Variants in RAD51B observed in about 807,000 individuals in gnomAD.
The protein encoded by RAD51B is RAD51 paralog B.
Under a neutral mutation model 42.2 loss-of-function variants are expected in RAD51B, and 38 were observed. The ratio of observed to expected loss-of-function variants is 0.90; its 90% CI spans 0.70 to 1.18. The LOEUF is 1.18. RAD51B is among the 50% of genes most tolerant of loss of function. The probability of loss-of-function intolerance (pLI) is 0.00; values close to 1 mark genes in which losing one functional copy is unlikely to be tolerated. For missense variants in RAD51B, 373 were observed against 400.7 expected (o/e 0.93, Z 0.59); for synonymous variants, 154 against 145.2 (o/e 1.06, Z -0.43).
chr14:68,374,416 C>T (rs957860348), intron 8 of RAD51B, among the ~76,000 whole-genome samples: 3 of 152,176 alleles, frequency 2.0e-5, no homozygotes, highest in African/African-American at 7.2e-5. Context: ...CATGCATGTT[C>T]CTGACTGTGA....
chr14:67,915,002 C>A (rs973921722), intron 7 of RAD51B, among the ~76,000 whole-genome samples: 6 of 152,146 alleles, frequency 3.9e-5, no homozygotes, highest in Admixed American at 3.9e-4. Flanking sequence ...TACATGTTCT[C>A]ACTTCTAAGT....
chr14:68,186,495 G>C (rs914086617), intron 7 of RAD51B, among the ~76,000 whole-genome samples: 2 of 152,078 alleles, frequency 1.3e-5, no homozygotes, highest in Non-Finnish European at 2.9e-5. Context: ...AATTCTGTTA[G>C]GAACTTATTG....
At chr14:68,404,442 T>C (rs2084207377) in intron 8 of RAD51B, among the ~76,000 whole-genome samples, 1 of 152,178 alleles carries the variant, frequency 6.6e-6, no homozygotes, top group African/African-American at 2.4e-5. Context: ...ATCAACAGCA[T>C]TAACAATCAT....
At chr14:67,825,155 C>A (rs1209145857) in intron 2 of RAD51B, among the ~76,000 whole-genome samples, 2 of 150,226 alleles carry the variant, frequency 1.3e-5, no homozygotes, top group African/African-American at 4.9e-5. Flanking sequence ...ATATTTATAC[C>A]CAAATTCTTT....
At chr14:68,421,603 A>G in intron 9 of RAD51B, 1 of 957,416 alleles carries the variant, frequency 1.0e-6, no homozygotes, top group South Asian at 1.5e-5. Context: ...GAGAGCACAA[A>G]GATTCTAGGA....
At chr14:67,968,840 A>G (rs567281836) in intron 7 of RAD51B, among the ~76,000 whole-genome samples, 1 of 152,304 alleles carries the variant, frequency 6.6e-6, no homozygotes, top group African/African-American at 2.4e-5. Context: ...TCTTTAAAGC[A>G]ACGCCCTACT....
chr14:67,829,825 A>T (rs7156970), intron 3 of RAD51B, among the ~76,000 whole-genome samples: 158 of 152,314 alleles, frequency 1.0e-3, no homozygotes, highest in African/African-American at 3.6e-3. Flanking sequence ...TAAAATATTA[A>T]TTCAGAAATA....
chr14:68,159,877 A>G (rs931596589), intron 7 of RAD51B, among the ~76,000 whole-genome samples: 2 of 152,108 alleles, frequency 1.3e-5, no homozygotes, highest in Admixed American at 6.5e-5. Context: ...TTATTAACCC[A>G]ATTACTTTAT....
intron 8 of RAD51B, among the ~76,000 whole-genome samples, chr14:68,394,215 C>T (rs1040628185): frequency 7.2e-5 from 11 of 152,336 alleles, no homozygotes; most frequent in South Asian, 4.1e-4. Context: ...TCTTTGTAAT[C>T]GCTGCTTCCG....
intron 8 of RAD51B, among the ~76,000 whole-genome samples, chr14:68,386,275 A>G (rs2083592158): frequency 1.3e-5 from 2 of 152,188 alleles, no homozygotes; most frequent in Non-Finnish European, 2.9e-5. Flanking sequence ...CAAAAAATTC[A>G]GATATAACCT....
intron 8 of RAD51B, among the ~76,000 whole-genome samples, chr14:68,374,384 T>G (rs2083322810): frequency 6.6e-6 from 1 of 152,218 alleles, no homozygotes; most frequent in Non-Finnish European, 1.5e-5. Context: ...ATGAGAAGAT[T>G]CTGAGAAGGA....
At chr14:67,883,410 T>C (rs1317526597) in intron 5 of RAD51B, among the ~76,000 whole-genome samples, 1 of 152,086 alleles carries the variant, frequency 6.6e-6, no homozygotes, top group African/African-American at 2.4e-5. Flanking sequence ...TCTTTTATTC[T>C]CCCTCTTACT....
intron 7 of RAD51B, among the ~76,000 whole-genome samples, chr14:68,044,329 C>T (rs1555346006): frequency 6.6e-6 from 1 of 152,208 alleles, no homozygotes; most frequent in Non-Finnish European, 1.5e-5. Flanking sequence ...GATAGAGACT[C>T]TTTTATTTGC....
intron 9 of RAD51B, among the ~76,000 whole-genome samples, chr14:68,455,265 A>G (rs567899854): frequency 2.2e-4 from 34 of 152,360 alleles, no homozygotes; most frequent in Admixed American, 7.8e-4. Context: ...CCAGAATTCT[A>G]TATCCAGCAA....
intron 7 of RAD51B, among the ~76,000 whole-genome samples, chr14:68,126,351 A>C (rs1302628558): frequency 3.3e-5 from 5 of 152,234 alleles, no homozygotes; most frequent in African/African-American, 4.8e-5. Context: ...GTATGCCAAA[A>C]AAAAGTCTCA....
downstream of RAD51B, among the ~76,000 whole-genome samples, chr14:68,599,381 G>T (rs1643709025): frequency 6.6e-6 from 1 of 152,204 alleles, no homozygotes; most frequent in South Asian, 2.1e-4. Context: ...ATCTGGCCCT[G>T]CCCTGTTTAG....
At chr14:68,519,742 C>T (rs1382314732) in intron 10 of RAD51B, among the ~76,000 whole-genome samples, 1 of 152,178 alleles carries the variant, frequency 6.6e-6, no homozygotes, top group Non-Finnish European at 1.5e-5. Flanking sequence ...AGGGAAAGCC[C>T]AGAGTCAGTT....
chr14:68,554,004 GCAGATCA>G (rs1289395580), intron 10 of RAD51B, among the ~76,000 whole-genome samples: 1 of 152,118 alleles, frequency 6.6e-6, no homozygotes, highest in Admixed American at 6.5e-5. Flanking sequence ...ACTTTCTACA[GCAGATCA>G]CAGTTACAGA....
intron 4 of RAD51B, among the ~76,000 whole-genome samples, chr14:67,855,359 C>A (rs749922230): frequency 2.0e-5 from 3 of 151,210 alleles, no homozygotes; most frequent in Non-Finnish European, 4.4e-5. Context: ...GCCTCCCCAG[C>A]AGCTGGGATT....
Sources: allele counts gnomAD v4.1 joint callset (sites outside exome capture counted in the v4.1 genomes callset), GRCh38; gene constraint gnomAD v4.1.1; transcripts MANE v1.5; gene names NCBI Gene and HGNC (gene_info 2026-07-23, HGNC 2026-07-21).